HNRNPH3: variants seen among roughly 807,000 people sequenced by gnomAD.
HNRNPH3 encodes the protein heterogeneous nuclear ribonucleoprotein 2H9.
HNRNPH3 carries 7 observed loss-of-function variants against 47.0 expected under a neutral mutation model. The observed-to-expected ratio is 0.15, with a 90% CI of 0.08 to 0.28. HNRNPH3 has a LOEUF of 0.28. Among genes scored for constraint, HNRNPH3 ranks in the 10% least tolerant of loss-of-function variants. The pLI is 1.00. For missense variants in HNRNPH3, 279 were observed against 449.6 expected, an observed-to-expected ratio of 0.62 and a Z score of 3.43; for synonymous variants, 120 against 143.2, an observed-to-expected ratio of 0.84 and a Z score of 1.16.
chr10:68,334,513 A>G (rs563435881), intron 1 of HNRNPH3, among the ~76,000 whole-genome samples: 3 of 152,318 alleles, frequency 2.0e-5, no homozygotes, highest in East Asian at 1.9e-4. Flanking sequence ...CGTCACTACA[A>G]TTTAATTTTA....
intron 6 of HNRNPH3, 139 bp downstream of exon 6, chr10:68,339,694 T>C (rs1214403120): frequency 6.7e-6 from 4 of 594,220 alleles, no homozygotes; most frequent in African/African-American, 1.9e-5. Flanking sequence ...TTAATTCTTT[T>C]TTTGAGATGG....
At chr10:68,334,135 T>A (rs2045398901) in intron 1 of HNRNPH3, among the ~76,000 whole-genome samples, 1 of 152,204 alleles carries the variant, frequency 6.6e-6, no homozygotes, top group Non-Finnish European at 1.5e-5. Context: ...TTTAGAGACC[T>A]TACCTCCTTA....
At chr10:68,341,501 A>G (rs2045936489) in intron 7 of HNRNPH3, 84 bp from the exon 8 acceptor site, 1 of 1,071,304 alleles carries the variant, frequency 9.3e-7, no homozygotes, top group Admixed American at 2.3e-5. Context: ...ATATTACTTA[A>G]TTGATCTTTT....
chr10:68,336,927 A>G (rs761332380), intron 1 of HNRNPH3: 16 of 275,812 alleles, frequency 5.8e-5, no homozygotes, highest in Non-Finnish European at 8.1e-5. Context: ...AGACTCTGGT[A>G]GTAGAATTAT....
At chr10:68,341,445 G>A in intron 7 of HNRNPH3, 136 bp downstream of exon 7, 2 of 1,037,796 alleles carry the variant, frequency 1.9e-6, no homozygotes, top group Admixed American at 2.5e-5. Flanking sequence ...CTTTCTGTGG[G>A]CTTTATATAT....
chr10:68,339,668 A>G (rs2045747038), intron 6 of HNRNPH3, 113 bp downstream of exon 6: 3 of 664,624 alleles, frequency 4.5e-6, no homozygotes. Context: ...CCTTGAATAT[A>G]AAAATAGATC....
Position 68,337,362 on chromosome 10 carries a change from A to C in HNRNPH3, c.112+29A>C. On this transcript the variant is annotated intron_variant, in intron 2 of 9. Coordinates refer to ENST00000265866, the MANE Select transcript of HNRNPH3 (RefSeq NM_012207.3). The surrounding 1 kb of genome is among the most constrained non-coding windows in gnomAD (Gnocchi z 4.5). Reference sequence around the variant, plus strand: ...CCTCTAGTATTAGTCAAAGTTTAGTAGTATTGTAATTTTATATTTGTATTG... The same window carrying C: ...CCTCTAGTATTAGTCAAAGTTTAGTCGTATTGTAATTTTATATTTGTATTG... 1 of 1,241,156 alleles carries C rather than the reference A, an allele frequency of 8.1e-7. No individual in the cohort carries two copies. Among genetic ancestry groups the C allele is most frequent in the Non-Finnish European group, 1.2e-6 (1 of 847,632 alleles). The allele number at this position is 1,241,156 out of a possible 1,614,324, so 76.9% of individuals were successfully genotyped here. A position where few individuals can be genotyped will look rare whatever the true frequency, so the allele number is the denominator to read the frequency against.
rs2045585656 is a variant in HNRNPH3 at position 68,337,132 on chromosome 10, T to C, written c.-23-67T>C. On this transcript the variant is annotated intron_variant, in intron 1 of 9. Transcript: ENST00000265866. This position sits in a 1 kb window ranked among gnomAD's most constrained non-coding sequence, Gnocchi z 4.5. ...TCTTGTGGCACCTCTGAGAGGTGTT[T>C]CTTCATTACCTCTTGACAAGAGTAT... 8.2e-6 allele frequency: 6 copies of C among 731,462 alleles called. No individual in the cohort carries two copies. Among genetic ancestry groups the C allele is most frequent in the Non-Finnish European group, 1.4e-5 (6 of 430,844 alleles). The allele number at this position is 731,462 out of a possible 1,614,324, so 45.3% of individuals were successfully genotyped here. A position where few individuals can be genotyped will look rare whatever the true frequency, so the allele number is the denominator to read the frequency against.
rs139265338 is a variant in HNRNPH3 at position 68,341,595 on chromosome 10, T to C, written c.786T>C (p.Tyr262=). The change falls in exon 8 of 10, where the codon TAT becomes TAC. Residue 262 remains tyrosine (Y), a synonymous_variant. Coordinates refer to ENST00000265866, the MANE Select transcript of HNRNPH3 (RefSeq NM_012207.3). ...SKDKNNMQHR[Y]IELFLNSTPG... is the part of the protein sequence containing the mutation. ...CTTTTTTTCTTAAAGAACATCGATA[T>C]ATTGAACTCTTCTTGAATTCTACTC... 156 of 1,607,246 alleles carry C rather than the reference T, an allele frequency of 9.7e-5. No individual in the cohort carries two copies. The highest frequency in any genetic ancestry group is 3.3e-4 in the Middle Eastern group (2 of 6,074).
intron 1 of HNRNPH3, among the ~76,000 whole-genome samples, chr10:68,334,290 C>G (rs1012359762): frequency 6.6e-6 from 1 of 152,192 alleles, no homozygotes; most frequent in Non-Finnish European, 1.5e-5. Context: ...CACTGGGCTA[C>G]CATTTAGAAA....
intron 6 of HNRNPH3, 55 bp downstream of exon 6, chr10:68,339,610 C>T (rs1209530081): frequency 9.2e-7 from 1 of 1,082,660 alleles, no homozygotes; most frequent in Non-Finnish European, 1.4e-6. Context: ...GTGTCTAAAT[C>T]TTTAAGCATT....
Position 68,337,144 on chromosome 10 carries a change from C to G in HNRNPH3, c.-23-55C>G. 1 of 842,044 alleles carries G rather than the reference C, an allele frequency of 1.2e-6. No homozygotes were observed. Among genetic ancestry groups the G allele is most frequent in the Non-Finnish European group, 2.0e-6 (1 of 510,178 alleles). 52.2% of individuals were successfully genotyped at this position (842,044 alleles called of 1,614,324 possible). A position where few individuals can be genotyped will look rare whatever the true frequency, so the allele number is the denominator to read the frequency against. ...TCTGAGAGGTGTTTCTTCATTACCT[C>G]TTGACAAGAGTATATTTTGATTGAC... On this transcript the variant is annotated intron_variant, in intron 1 of 9. Transcript: ENST00000265866. The surrounding 1 kb of genome is among the most constrained non-coding windows in gnomAD (Gnocchi z 4.5).
intron 7 of HNRNPH3, 36 bp from the exon 8 acceptor site, chr10:68,341,549 C>G (rs1263610636): frequency 7.2e-7 from 1 of 1,387,212 alleles, no homozygotes. Flanking sequence ...TCCATCATTC[C>G]TTTCTCCCCT....
In HNRNPH3 at chr10:68,339,570, A is replaced by G. The variant is rs542735185; in HGVS notation, c.639+15A>G. 13 of 1,480,710 alleles carry G rather than the reference A, an allele frequency of 8.8e-6. No individual in the cohort carries two copies. In the African/African-American group the frequency reaches 1.5e-4, roughly 17 times the overall value. The allele number at this position is 1,480,710 out of a possible 1,614,324, so 91.7% of individuals were successfully genotyped here. ...ACATTGCTAATGTGAGTAATTTTTA[A>G]TAACTATTAGTGGTTTTATACTTAT... On this transcript the variant is annotated intron_variant, in intron 6 of 9. Coordinates refer to ENST00000265866, the MANE Select transcript of HNRNPH3 (RefSeq NM_012207.3).
In HNRNPH3 at chr10:68,341,564, CTCTT is replaced by C. The variant is rs534127402; in HGVS notation, c.776-15_776-12del. The C allele has an allele frequency of 3.1e-4, 464 of 1,499,648 alleles. 1 individual carries two copies. The African/African-American group carries it at 5.0e-3, about 16-fold the overall frequency. 92.9% of individuals were successfully genotyped at this position (1,499,648 alleles called of 1,614,324 possible). ...TCCATCATTCCTTTCTCCCCTGTTACTCTTTCTTTTTTTCTTAAAGAACATCGAT... is the reference window on the plus strand; with the variant it reads ...TCCATCATTCCTTTCTCCCCTGTTACTCTTTTTTTCTTAAAGAACATCGAT... On this transcript the variant is annotated splice_polypyrimidine_tract_variant and intron_variant, in intron 7 of 9. Coordinates refer to ENST00000265866, the MANE Select transcript of HNRNPH3 (RefSeq NM_012207.3).
chr10:68,337,708 C>T lies in HNRNPH3; in HGVS notation c.113-150C>T. On this transcript the variant is annotated intron_variant, in intron 2 of 9. Coordinates refer to ENST00000265866, the MANE Select transcript of HNRNPH3 (RefSeq NM_012207.3). This position sits in a 1 kb window ranked among gnomAD's most constrained non-coding sequence, Gnocchi z 4.5. ...TTAATCCAGTAATATTTGAAAAAAT[C>T]TTTCATTTGTATTATGGGGTGATGG... 1 of 684,916 alleles carries T rather than the reference C, an allele frequency of 1.5e-6. No individual in the cohort carries two copies. The highest frequency in any genetic ancestry group is 2.7e-5 in the East Asian group (1 of 36,770). The allele number at this position is 684,916 out of a possible 1,614,324, so 42.4% of individuals were successfully genotyped here. A position where few individuals can be genotyped will look rare whatever the true frequency, so the allele number is the denominator to read the frequency against.
intron 6 of HNRNPH3, among the ~76,000 whole-genome samples, chr10:68,340,190 CCACT>C (rs2045808580): frequency 6.6e-6 from 1 of 152,134 alleles, no homozygotes; most frequent in Non-Finnish European, 1.5e-5. Flanking sequence ...GCACACCCCA[CCACT>C]CCTGGCTAAC....
chr10:68,342,424 C>A lies in HNRNPH3; in HGVS notation c.*370C>A. On this transcript the variant is annotated 3_prime_UTR_variant, in exon 10 of 10. Transcript: ENST00000265866. ...GTTCACCTCTGCGTAAACTGCAAGT[C>A]TTAAGCAGACATCTGGAATAGAGCT... is the stretch of plus-strand genomic sequence containing the variant. 1 of 168,724 alleles carries A rather than the reference C, an allele frequency of 5.9e-6. No homozygotes were observed. The highest frequency in any genetic ancestry group is 5.9e-5 in the Admixed American group (1 of 16,954). The allele number at this position is 168,724 out of a possible 1,614,324, so 10.5% of individuals were successfully genotyped here.
At position 68,337,593 on chromosome 10, in the gene HNRNPH3, T is replaced by C. The variant is rs2045608004; in HGVS notation, c.112+260T>C. ...GTGAATTAGTATATGGAGCATATATTTGATTTTGTAGCCTTTTTTCATGTA... is the reference window on the plus strand; with the variant it reads ...GTGAATTAGTATATGGAGCATATATCTGATTTTGTAGCCTTTTTTCATGTA... On this transcript the variant is annotated intron_variant, in intron 2 of 9. Transcript: ENST00000265866. This position sits in a 1 kb window ranked among gnomAD's most constrained non-coding sequence, Gnocchi z 4.5. The C allele has an allele frequency of 9.4e-6, 5 of 532,454 alleles. No individual in the cohort carries two copies. Among genetic ancestry groups the C allele is most frequent in the Non-Finnish European group, 6.6e-6 (2 of 301,042 alleles). 33.0% of individuals were successfully genotyped at this position (532,454 alleles called of 1,614,324 possible).
Sources: gnomAD v4.1 joint callset for allele counts (sites outside exome capture counted in the v4.1 genomes callset) on GRCh38, gnomAD v4.1.1 for gene constraint, Gnocchi (gnomAD v3.1) non-coding constraint, MANE v1.5 for transcripts, NCBI Gene and HGNC (gene_info 2026-07-23, HGNC 2026-07-21) for gene names.